IMPG1: variants seen among roughly 807,000 people sequenced by gnomAD.
The protein encoded by IMPG1 is interphotoreceptor matrix proteoglycan 1.
A neutral mutation model predicts 92.0 loss-of-function variants in IMPG1; 85 were observed. The ratio of observed to expected loss-of-function variants is 0.92; its 90% CI spans 0.78 to 1.11. The LOEUF is 1.11. IMPG1 is among the 50% of genes least tolerant of loss of function. The pLI is 0.00. For synonymous variants in IMPG1, 367 were observed against 334.1 expected, an observed-to-expected ratio of 1.10 and a Z score of -1.08; for missense variants, 1,022 against 956.0, an observed-to-expected ratio of 1.07 and a Z score of -0.91.
At chr6:75,948,781 T>C (rs1012385565) in intron 13 of IMPG1, among the ~76,000 whole-genome samples, 3 of 152,174 alleles carry the variant, frequency 2.0e-5, no homozygotes, top group African/African-American at 4.8e-5. Context: ...CCAGCCTCCC[T>C]TGTGGCAAGG....
intron 5 of IMPG1, among the ~76,000 whole-genome samples, chr6:76,024,737 A>G (rs1035003604): frequency 3.9e-5 from 6 of 152,232 alleles, no homozygotes; most frequent in Admixed American, 1.3e-4. Flanking sequence ...GTAATGTCAG[A>G]TACAATGATG....
Position 76,004,156 on chromosome 6 carries a change from G to A in IMPG1, c.1136-206C>T, listed in dbSNP as rs150606385. The stretch of plus-strand genomic sequence containing the variant: ...CAGTTGCAAAGGGTGCATCTTGCAT[G>A]TTTATGTGATAAGAATAGTTATTAG... On this transcript the variant is annotated intron_variant, in intron 10 of 16. Transcript: ENST00000369950. Among the ~76,000 whole-genome samples, 341 of 152,292 alleles carry A rather than the reference G, an allele frequency of 2.2e-3. 1 individual carries two copies. Among genetic ancestry groups the A allele is most frequent in the African/African-American group, 7.8e-3 (326 of 41,568 alleles).
intron 5 of IMPG1, among the ~76,000 whole-genome samples, chr6:76,024,718 A>T (rs1783492580): frequency 6.6e-6 from 1 of 152,190 alleles, no homozygotes. Flanking sequence ...CTTAATTAAA[A>T]CACTATTTGT....
intron 12 of IMPG1, among the ~76,000 whole-genome samples, chr6:75,962,981 C>T (rs911327506): frequency 3.3e-5 from 5 of 151,490 alleles, no homozygotes; most frequent in South Asian, 2.1e-4. Flanking sequence ...GCGGAGGCTG[C>T]GGTGAGCCAA....
At chr6:75,924,370 T>C (rs535361645) in intron 15 of IMPG1, among the ~76,000 whole-genome samples, 6 of 131,418 alleles carry the variant, frequency 4.6e-5, no homozygotes, top group Non-Finnish European at 6.2e-5. Context: ...AATGGATAAA[T>C]TGTGATATAT....
Position 76,005,240 on chromosome 6 carries a change from T to A in IMPG1, c.1135+47A>T, listed in dbSNP as rs992693555. The stretch of plus-strand genomic sequence containing the variant: ...CCATGAGACATTCACATTCTTAGTC[T>A]CTGCCAAAATGAGAATAAACTCAGA... On this transcript the variant is annotated intron_variant, in intron 10 of 16. Transcript: ENST00000369950. 8 of 1,587,410 alleles carry A rather than the reference T, an allele frequency of 5.0e-6. No individual in the cohort carries two copies. The African/African-American group carries it at 9.5e-5, about 19-fold the overall frequency.
At chr6:75,964,199 C>T (rs572948481) in intron 12 of IMPG1, among the ~76,000 whole-genome samples, 1 of 152,248 alleles carries the variant, frequency 6.6e-6, no homozygotes, top group African/African-American at 2.4e-5. Context: ...CAAAGTTCTG[C>T]AAAAGCACGA....
intron 14 of IMPG1, among the ~76,000 whole-genome samples, chr6:75,940,610 A>G (rs745662318): frequency 1.3e-5 from 2 of 152,226 alleles, no homozygotes; most frequent in Non-Finnish European, 2.9e-5. Flanking sequence ...TTTAATTTTA[A>G]AAGACCATAA....
At chr6:76,069,875 C>T (rs1247683528) in intron 1 of IMPG1, among the ~76,000 whole-genome samples, 3 of 152,082 alleles carry the variant, frequency 2.0e-5, no homozygotes, top group African/African-American at 7.2e-5. Context: ...TAAATTAATG[C>T]AGGAACAGAA....
At chr6:76,022,049 T>C (rs1783437514) in intron 6 of IMPG1, 67 bp downstream of exon 6, 3 of 838,756 alleles carry the variant, frequency 3.6e-6, no homozygotes. Context: ...TCCATTCTCT[T>C]TTCCTGTTTT....
At chr6:76,069,097 T>C (rs1211650425) in intron 1 of IMPG1, among the ~76,000 whole-genome samples, 1 of 152,028 alleles carries the variant, frequency 6.6e-6, no homozygotes, top group Non-Finnish European at 1.5e-5. Flanking sequence ...ATCTTTGACA[T>C]AGTCGACAAA....
chr6:76,067,340 A>G (rs1784327174), intron 1 of IMPG1, among the ~76,000 whole-genome samples: 1 of 152,106 alleles, frequency 6.6e-6, no homozygotes, highest in Admixed American at 6.6e-5. Flanking sequence ...CACAATCACA[A>G]ATGAAAAAGA....
chr6:76,044,945 A>G (rs1783911290), intron 1 of IMPG1, among the ~76,000 whole-genome samples: 1 of 152,154 alleles, frequency 6.6e-6, no homozygotes, highest in Admixed American at 6.5e-5. Context: ...AGAAGGTCAC[A>G]GATTTGCCCT....
At chr6:76,041,665 A>G (rs1038050477) in intron 2 of IMPG1, among the ~76,000 whole-genome samples, 2 of 152,322 alleles carry the variant, frequency 1.3e-5, no homozygotes, top group Middle Eastern at 3.4e-3. Context: ...TAAATGCCCT[A>G]TTGGTTCTAT....
intron 1 of IMPG1, among the ~76,000 whole-genome samples, chr6:76,061,601 T>C (rs1784206214): frequency 6.6e-6 from 1 of 152,210 alleles, no homozygotes; most frequent in Non-Finnish European, 1.5e-5. Flanking sequence ...GAACTAATAA[T>C]AACTTAGTTA....
At chr6:76,026,733 A>G (rs1456325627) in intron 4 of IMPG1, among the ~76,000 whole-genome samples, 1 of 151,346 alleles carries the variant, frequency 6.6e-6, no homozygotes, top group Non-Finnish European at 1.5e-5. Flanking sequence ...TCTCTTCTCC[A>G]CCCTGTCTGC....
intron 1 of IMPG1, among the ~76,000 whole-genome samples, chr6:76,051,227 C>T (rs571772854): frequency 4.6e-5 from 7 of 152,288 alleles, no homozygotes; most frequent in East Asian, 1.9e-4. Context: ...CCCTGGTCCT[C>T]CCACTACATT....
At chr6:76,026,658 G>C (rs2149485323) in intron 4 of IMPG1, among the ~76,000 whole-genome samples, 1 of 152,294 alleles carries the variant, frequency 6.6e-6, no homozygotes, top group African/African-American at 2.4e-5. Flanking sequence ...TTTCTCCCTG[G>C]TGGAGGAACT....
chr6:75,979,123 C>T (rs1266301027), intron 12 of IMPG1, among the ~76,000 whole-genome samples: 1 of 152,018 alleles, frequency 6.6e-6, no homozygotes, highest in Non-Finnish European at 1.5e-5. Flanking sequence ...CACCCTGTTG[C>T]CCAGGCTGGT....
Sources: gnomAD v4.1 joint callset for allele counts (sites outside exome capture counted in the v4.1 genomes callset) on GRCh38, gnomAD v4.1.1 for gene constraint, MANE v1.5 for transcripts, NCBI Gene and HGNC (gene_info 2026-07-23, HGNC 2026-07-21) for gene names.